CSMD1: variants seen among roughly 807,000 people sequenced by gnomAD.
CSMD1 encodes the protein CUB and sushi domain-containing protein 1.
In CSMD1, 213 loss-of-function variants were observed where a neutral mutation model predicts 417.5. The observed-to-expected ratio is 0.51, with a 90% CI of 0.46 to 0.57. CSMD1 has a LOEUF of 0.57. Ranked by LOEUF, CSMD1 falls within the 20% of genes least tolerant of loss-of-function variation. The pLI is 0.00. For synonymous variants in CSMD1, 2,862 were observed against 1,736.8 expected, an observed-to-expected ratio of 1.65 and a Z score of -16.11; for missense variants, 6,923 against 4,529.7, an observed-to-expected ratio of 1.53 and a Z score of -15.17.
intron 7 of CSMD1, among the ~76,000 whole-genome samples, chr8:3,654,283 T>C (rs1797997192): frequency 6.6e-6 from 1 of 152,164 alleles, no homozygotes; most frequent in African/African-American, 2.4e-5. Flanking sequence ...AAAATTTAAG[T>C]ACAATAGAAA....
chr8:4,199,615 G>C (rs893877417), intron 3 of CSMD1, among the ~76,000 whole-genome samples: 2 of 152,154 alleles, frequency 1.3e-5, no homozygotes, highest in African/African-American at 4.8e-5. Context: ...TCAACGCCTT[G>C]CATTTTGCTT....
At chr8:4,759,024 A>G (rs929600081) in intron 1 of CSMD1, among the ~76,000 whole-genome samples, 31 of 152,226 alleles carry the variant, frequency 2.0e-4, no homozygotes, top group African/African-American at 7.0e-4. Flanking sequence ...TCCCCAGGAA[A>G]CAGATGCGGA....
intron 10 of CSMD1, among the ~76,000 whole-genome samples, chr8:3,545,135 T>C (rs1798605234): frequency 6.6e-6 from 1 of 152,192 alleles, no homozygotes; most frequent in Non-Finnish European, 1.5e-5. Context: ...TCTCTCTTTC[T>C]CCGTCATTAC....
At chr8:4,037,516 A>G (rs539250882) in intron 3 of CSMD1, among the ~76,000 whole-genome samples, 2 of 152,198 alleles carry the variant, frequency 1.3e-5, no homozygotes, top group Non-Finnish European at 2.9e-5. Context: ...TTGACACTTA[A>G]TTTTAGAAGA....
chr8:4,743,520 CATG>C (rs1196606373), intron 1 of CSMD1, among the ~76,000 whole-genome samples: 16 of 152,180 alleles, frequency 1.1e-4, no homozygotes, highest in Admixed American at 6.5e-5. Context: ...GCTTTGAGTT[CATG>C]ATGTTCTTTC....
intron 1 of CSMD1, among the ~76,000 whole-genome samples, chr8:4,988,873 A>C (rs2117468746): frequency 6.6e-6 from 1 of 152,360 alleles, no homozygotes; most frequent in South Asian, 2.1e-4. Flanking sequence ...CCCTATAATC[A>C]GTCAATTTCA....
At chr8:4,094,126 C>A (rs1800873145) in intron 3 of CSMD1, among the ~76,000 whole-genome samples, 2 of 152,138 alleles carry the variant, frequency 1.3e-5, no homozygotes, top group Admixed American at 1.3e-4. Context: ...GATGGTGCCT[C>A]CGTGTGTGGG....
At chr8:4,850,858 T>C (rs1801433744) in intron 1 of CSMD1, among the ~76,000 whole-genome samples, 1 of 152,178 alleles carries the variant, frequency 6.6e-6, no homozygotes, top group South Asian at 2.1e-4. Flanking sequence ...AAAGTATGTT[T>C]AGTCCTCATG....
intron 5 of CSMD1, among the ~76,000 whole-genome samples, chr8:3,929,392 A>T (rs994125660): frequency 6.6e-6 from 1 of 150,566 alleles, no homozygotes; most frequent in Admixed American, 6.6e-5. Flanking sequence ...TTCACAGCCA[A>T]GGGTGACAAT....
At chr8:4,375,174 G>T (rs893013579) in intron 3 of CSMD1, among the ~76,000 whole-genome samples, 4 of 152,134 alleles carry the variant, frequency 2.6e-5, no homozygotes, top group Non-Finnish European at 4.4e-5. Context: ...AATAACGAAA[G>T]CAAGAAATAT....
chr8:4,040,579 A>T (rs80119809), intron 3 of CSMD1, among the ~76,000 whole-genome samples: 22,543 of 152,142 alleles, frequency 0.15, 2,367 homozygotes, highest in East Asian at 0.39. Context: ...AATGGAGGTT[A>T]GTTATAATAA....
At chr8:4,100,984 T>C (rs968808890) in intron 3 of CSMD1, among the ~76,000 whole-genome samples, 2 of 152,170 alleles carry the variant, frequency 1.3e-5, no homozygotes, top group African/African-American at 4.8e-5. Flanking sequence ...AATACTGAAA[T>C]CTGAACTGCG....
intron 10 of CSMD1, among the ~76,000 whole-genome samples, chr8:3,566,202 AAGG>A (rs755352252): frequency 6.6e-6 from 1 of 152,072 alleles, no homozygotes; most frequent in Non-Finnish European, 1.5e-5. Flanking sequence ...AGACAAGGAA[AAGG>A]AGGAGGAGAG....
intron 2 of CSMD1, among the ~76,000 whole-genome samples, chr8:4,546,850 T>G (rs1011089322): frequency 3.3e-5 from 5 of 152,140 alleles, no homozygotes; most frequent in African/African-American, 9.6e-5. Flanking sequence ...AACATATGCA[T>G]ATATATGTAT....
chr8:4,573,424 C>G (rs113717171), intron 2 of CSMD1, among the ~76,000 whole-genome samples: 1 of 152,140 alleles, frequency 6.6e-6, no homozygotes, highest in African/African-American at 2.4e-5. Flanking sequence ...ACTCCAGACC[C>G]TCTTTCCTGG....
intron 27 of CSMD1, among the ~76,000 whole-genome samples, chr8:3,224,270 G>A (rs1369277787): frequency 2.0e-5 from 3 of 152,238 alleles, no homozygotes; most frequent in African/African-American, 4.8e-5. Context: ...TTATGGCCAT[G>A]TTAATTATTT....
chr8:3,073,498 A>C lies in CSMD1; in HGVS notation c.7474+13599T>G, dbSNP rs538658212. Among the ~76,000 whole-genome samples, 33 of 152,352 alleles carry C rather than the reference A, an allele frequency of 2.2e-4. 1 individual carries two copies. The highest frequency in any genetic ancestry group is 6.5e-4 in the Admixed American group (10 of 15,304). On this transcript the variant is annotated intron_variant, in intron 49 of 69. Coordinates refer to ENST00000635120, the MANE Select transcript of CSMD1 (RefSeq NM_033225.6). ...ATAGGAAGCAAATACTTACATGTAT[A>C]AATGAAGCAAAGCTACAGATTAGAA...
chr8:4,067,499 C>G (rs532318000), intron 3 of CSMD1, among the ~76,000 whole-genome samples: 68 of 151,366 alleles, frequency 4.5e-4, no homozygotes, highest in Non-Finnish European at 9.3e-4. Context: ...TTTTTAATTT[C>G]AAAATTTTTA....
chr8:4,747,227 A>G (rs1301852525), intron 1 of CSMD1, among the ~76,000 whole-genome samples: 2 of 152,208 alleles, frequency 1.3e-5, no homozygotes, highest in African/African-American at 2.4e-5. Context: ...AGTAATGAAC[A>G]CAGCATTTTA....
Sources: allele counts gnomAD v4.1 joint callset (sites outside exome capture counted in the v4.1 genomes callset), GRCh38; gene constraint gnomAD v4.1.1; transcripts MANE v1.5; gene names NCBI Gene and HGNC (gene_info 2026-07-23, HGNC 2026-07-21).